The following PCDHGB1 variants were observed in gnomAD, a reference collection of about 807,000 sequenced individuals.
The protein encoded by PCDHGB1 is protocadherin gamma subfamily B, 1.
A neutral mutation model predicts 56.6 loss-of-function variants in PCDHGB1; 34 were observed. That is an observed-to-expected ratio of 0.60 (90% CI 0.46 to 0.80). The LOEUF is 0.80. PCDHGB1 is among the 30% of genes least tolerant of loss of function. The pLI is 0.00. For synonymous variants in PCDHGB1, 561 were observed against 505.9 expected (o/e 1.11, Z -1.46); for missense variants, 1,278 against 1,204.6 (o/e 1.06, Z -0.90).
intron 2 of PCDHGB1, among the ~76,000 whole-genome samples, chr5:141,502,989 G>A (rs140974023): frequency 0.024 from 3,652 of 150,590 alleles, 56 homozygotes; most frequent in East Asian, 0.043. Context: ...GATTACAGGC[G>A]TGTGCCACCA....
At chr5:141,376,556 A>G in intron 1 of PCDHGB1, 1 of 1,611,100 alleles carries the variant, frequency 6.2e-7, no homozygotes, top group Non-Finnish European at 8.5e-7. Context: ...TCTTCCCGCA[A>G]CCCAACTAAT....
At chr5:141,470,201 G>C (rs2154570565) in intron 1 of PCDHGB1, among the ~76,000 whole-genome samples, 1 of 152,274 alleles carries the variant, frequency 6.6e-6, no homozygotes, top group Non-Finnish European at 1.5e-5. Flanking sequence ...AGATAAATAT[G>C]AAGGCTAAAC....
chr5:141,416,478 C>T (rs1186938693), intron 1 of PCDHGB1: 4 of 151,994 alleles, frequency 2.6e-5, no homozygotes, highest in Non-Finnish European at 4.4e-5. Context: ...TACATGTTCC[C>T]GAGAACAGGA....
intron 1 of PCDHGB1, among the ~76,000 whole-genome samples, chr5:141,480,272 G>A (rs903112862): frequency 7.2e-6 from 1 of 138,796 alleles, no homozygotes; most frequent in African/African-American, 3.0e-5. Flanking sequence ...TTCATTAGCT[G>A]GGTGTGTTGG....
chr5:141,438,591 CATATATATATAT>C lies in PCDHGB1; in HGVS notation c.2410-56182_2410-56171del, dbSNP rs946798767. ...TCTGATATACATACATACATACATACATATATATATATATATATATATATATATATATATATA... is the reference window on the plus strand; with the variant it reads ...TCTGATATACATACATACATACATACATATATATATATATATATATATATA... On this transcript the variant is annotated intron_variant, in intron 1 of 3. Coordinates refer to ENST00000523390, the MANE Select transcript of PCDHGB1 (RefSeq NM_018922.3). Among the ~76,000 whole-genome samples the C allele has an allele frequency of 1.5e-4, 11 of 75,568 alleles. No homozygotes were observed. The East Asian group carries it at 2.8e-3, about 19-fold the overall frequency. The allele number at this position is 75,568 out of a possible 152,430, so 49.6% of individuals were successfully genotyped here.
rs201895231 is a variant in PCDHGB1 at position 141,392,844 on chromosome 5, G to A, written c.2409+40175G>A. On this transcript the variant is annotated intron_variant, in intron 1 of 3. Coordinates refer to ENST00000523390, the MANE Select transcript of PCDHGB1 (RefSeq NM_018922.3). ...CGCTCCACAGAGTCGCCCCAGACGC[G>A]GCGAGCTGATCCTGCTGTGCGCGCT... The A allele has an allele frequency of 1.3e-5, 21 of 1,609,468 alleles. 1 individual carries two copies. The East Asian group carries it at 1.6e-4, about 12-fold the overall frequency.
In PCDHGB1 at chr5:141,351,183, C is replaced by T. The variant is rs764013850; in HGVS notation, c.923C>T (p.Thr308Ile). 8.7e-6 allele frequency: 14 copies of T among 1,613,810 alleles called. No individual in the cohort carries two copies. The highest frequency in any genetic ancestry group is 2.2e-5 in the East Asian group (1 of 44,900). ...TTNGTLDFEETSRYVLSVEAK... is the reference protein window; with the variant it reads ...TTNGTLDFEEISRYVLSVEAK... ...AATGGCACATTGGATTTTGAAGAGA[C>T]AAGTAGATATGTGTTGAGTGTGGAA... is the stretch of plus-strand genomic sequence containing the variant. Residue 308 changes from threonine to isoleucine, a missense_variant, in exon 1 of 4, where the codon ACA (threonine) becomes ATA (isoleucine). Coordinates refer to ENST00000523390, the MANE Select transcript of PCDHGB1 (RefSeq NM_018922.3).
intron 1 of PCDHGB1, among the ~76,000 whole-genome samples, chr5:141,450,726 A>G (rs1302961852): frequency 2.0e-5 from 3 of 151,932 alleles, no homozygotes; most frequent in Admixed American, 2.0e-4. Flanking sequence ...ACCTCAGGTG[A>G]TCCGCCCGCC....
chr5:141,498,976 G>A (rs1311505059), intron 2 of PCDHGB1, among the ~76,000 whole-genome samples: 1 of 13,010 alleles, frequency 7.7e-5, no homozygotes, highest in Non-Finnish European at 2.3e-4. Context: ...AGGGAGGGAA[G>A]GAAGGAAGGA....
intron 2 of PCDHGB1, among the ~76,000 whole-genome samples, chr5:141,498,573 A>G (rs7725519): frequency 0.52 from 78,890 of 151,684 alleles, 21,175 homozygotes; most frequent in African/African-American, 0.65. Flanking sequence ...CAGGGCTAGT[A>G]TTGAGTTCTT....
chr5:141,412,027 C>T (rs1360599996), intron 1 of PCDHGB1: 1 of 152,086 alleles, frequency 6.6e-6, no homozygotes, highest in Non-Finnish European at 1.5e-5. Context: ...ATCCTGTTCT[C>T]TGTGTGAAAG....
In PCDHGB1 at chr5:141,486,675, A is replaced by T; in HGVS notation, c.2410-8132A>T. On this transcript the variant is annotated intron_variant, in intron 1 of 3. Coordinates refer to ENST00000523390, the MANE Select transcript of PCDHGB1 (RefSeq NM_018922.3). The surrounding 1 kb of genome is among the most constrained non-coding windows in gnomAD (Gnocchi z 5.0). ...TCACTCCTGGAGCCCAGGAATCGAGATGTATCAGCTTCCTCTTTCATCTCT... is the reference window on the plus strand; with the variant it reads ...TCACTCCTGGAGCCCAGGAATCGAGTTGTATCAGCTTCCTCTTTCATCTCT... The T allele has an allele frequency of 6.2e-7, 1 of 1,614,056 alleles. No individual in the cohort carries two copies. The highest frequency in any genetic ancestry group is 8.5e-7 in the Non-Finnish European group (1 of 1,180,016).
Position 141,352,591 on chromosome 5 carries a change from G to A in PCDHGB1, c.2331G>A (p.Leu777=). 2 of 1,613,590 alleles carry A rather than the reference G, an allele frequency of 1.2e-6. No homozygotes were observed. Among genetic ancestry groups the A allele is most frequent in the Non-Finnish European group, 1.7e-6 (2 of 1,179,620 alleles). Residue 777 remains leucine, a synonymous_variant, in exon 1 of 4, where the codon CTG becomes CTA. Coordinates refer to ENST00000523390, the MANE Select transcript of PCDHGB1 (RefSeq NM_018922.3). ...TPEMAPPQDL[L]CDDPSMVVCA... is the part of the protein sequence containing the mutation. ...AAATGGCTCCCCCTCAGGATCTGCT[G>A]TGTGATGATCCTTCTATGGTTGTAT... is the stretch of plus-strand genomic sequence containing the variant.
Position 141,477,797 on chromosome 5 carries a change from A to G in PCDHGB1, c.2410-17010A>G. ...CGTGAACATATTTGTCACTGATCGC[A>G]ATGACAATGCCCCCCAGGTCCTATA... On this transcript the variant is annotated intron_variant, in intron 1 of 3. Coordinates refer to ENST00000523390, the MANE Select transcript of PCDHGB1 (RefSeq NM_018922.3). This position sits in a 1 kb window ranked among gnomAD's most constrained non-coding sequence, Gnocchi z 4.9. 1.2e-6 allele frequency: 2 copies of G among 1,614,082 alleles called. No individual in the cohort carries two copies. Among genetic ancestry groups the G allele is most frequent in the Non-Finnish European group, 1.7e-6 (2 of 1,180,032 alleles).
In PCDHGB1 at chr5:141,483,740, A is replaced by T. The variant is rs2099586227; in HGVS notation, c.2410-11067A>T. Among the ~76,000 whole-genome samples, 4 of 152,148 alleles carry T rather than the reference A, an allele frequency of 2.6e-5. No homozygotes were observed. The South Asian group carries it at 8.3e-4, about 32-fold the overall frequency. ...TGGTTCCCACCATAGTCAAAAGGATATTCCTGAGGATCGAGGCTTGGAAAA... is the reference window on the plus strand; with the variant it reads ...TGGTTCCCACCATAGTCAAAAGGATTTTCCTGAGGATCGAGGCTTGGAAAA... On this transcript the variant is annotated intron_variant, in intron 1 of 3. Transcript: ENST00000523390.
In PCDHGB1 at chr5:141,413,998, G is replaced by A; in HGVS notation, c.2409+61329G>A. On this transcript the variant is annotated intron_variant, in intron 1 of 3. Transcript: ENST00000523390. The stretch of plus-strand genomic sequence containing the variant: ...GACAGTCACAGCCACCGACAGGGAC[G>A]AAGGTGCCAATGGAGAAGTGACATA... 1 of 1,613,320 alleles carries A rather than the reference G, an allele frequency of 6.2e-7. No individual in the cohort carries two copies. The highest frequency in any genetic ancestry group is 1.6e-4 in the Middle Eastern group (1 of 6,062).
rs1018097924 is a variant in PCDHGB1 at position 141,413,435 on chromosome 5, G to C, written c.2409+60766G>C. Reference sequence around the variant, plus strand: ...TTCTCTCTGAACCCGCGCAGCGGCAGCTTGATCACCGCGGGCAGGATAGAC... The same window carrying C: ...TTCTCTCTGAACCCGCGCAGCGGCACCTTGATCACCGCGGGCAGGATAGAC... On this transcript the variant is annotated intron_variant, in intron 1 of 3. Transcript: ENST00000523390. The C allele has an allele frequency of 6.2e-6, 10 of 1,614,004 alleles. No homozygotes were observed. The Admixed American group carries it at 1.7e-4, about 27-fold the overall frequency.
chr5:141,399,043 G>T lies in PCDHGB1; in HGVS notation c.2409+46374G>T, dbSNP rs545668357. The T allele has an allele frequency of 3.0e-5, 48 of 1,613,890 alleles. No homozygotes were observed. The South Asian group carries it at 4.9e-4, about 17-fold the overall frequency. ...TACCACTCAAAAGAAACTGGATTTTGAAGAGACCAAGGAATATTCAATGGT... is the reference window on the plus strand; with the variant it reads ...TACCACTCAAAAGAAACTGGATTTTTAAGAGACCAAGGAATATTCAATGGT... On this transcript the variant is annotated intron_variant, in intron 1 of 3. Transcript: ENST00000523390.
chr5:141,389,957 G>A (rs2091985321), intron 1 of PCDHGB1: 2 of 1,614,080 alleles, frequency 1.2e-6, no homozygotes, highest in Non-Finnish European at 1.7e-6. Flanking sequence ...TTTACCTAGT[G>A]GTGGCCTTGG....
Sources: gnomAD v4.1 joint callset for allele counts (sites outside exome capture counted in the v4.1 genomes callset) on GRCh38, gnomAD v4.1.1 for gene constraint, Gnocchi (gnomAD v3.1) non-coding constraint, MANE v1.5 for transcripts, NCBI Gene and HGNC (gene_info 2026-07-23, HGNC 2026-07-21) for gene names.